Variants in ORAI2 observed in about 807,000 individuals in gnomAD.
ORAI2 encodes the protein ORAI calcium release-activated calcium modulator 2, also known as protein orai-2.
In ORAI2, 10 loss-of-function variants were observed where a neutral mutation model predicts 16.2. The ratio of observed to expected loss-of-function variants is 0.62; its 90% CI spans 0.38 to 1.04. The LOEUF (loss-of-function observed/expected upper bound fraction) is 1.04. ORAI2 is among the 50% of genes least tolerant of loss of function. ORAI2 has a pLI of 0.01. For missense variants in ORAI2, 238 were observed against 355.5 expected, an observed-to-expected ratio of 0.67 and a Z score of 2.66; for synonymous variants, 150 against 157.5, an observed-to-expected ratio of 0.95 and a Z score of 0.35.
chr7:102,449,693 C>T lies in ORAI2; in HGVS notation c.*2641C>T, dbSNP rs1013478554. 1.3e-5 allele frequency: 2 copies of T among 150,360 alleles called. No individual in the cohort carries two copies. The highest frequency in any genetic ancestry group is 4.9e-5 in the African/African-American group (2 of 40,838). The allele number at this position is 150,360 out of a possible 1,614,324, so 9.3% of individuals were successfully genotyped here. A position where few individuals can be genotyped will look rare whatever the true frequency, so the allele number is the denominator to read the frequency against. ...CTGCACTCCAGCCTGGACAACAGAG[C>T]AAAACTCTGTCTCAAAAAATAATAA... is the stretch of plus-strand genomic sequence containing the variant. On this transcript the variant is annotated 3_prime_UTR_variant, in exon 4 of 4. Coordinates refer to ENST00000495936, the MANE Select transcript of ORAI2 (RefSeq NM_001126340.3).
chr7:102,439,602 A>G (rs756631066), intron 3 of ORAI2, among the ~76,000 whole-genome samples: 3 of 150,554 alleles, frequency 2.0e-5, no homozygotes, highest in Non-Finnish European at 4.4e-5. Flanking sequence ...CTTTACAAAA[A>G]TAAAATAAAT....
intron 3 of ORAI2, among the ~76,000 whole-genome samples, chr7:102,441,984 GT>G (rs1442608381): frequency 1.6e-4 from 25 of 152,244 alleles, no homozygotes; most frequent in Non-Finnish European, 2.9e-4. Flanking sequence ...GCCCTTTATA[GT>G]GTGTCTTCCC....
chr7:102,443,166 T>C (rs1797259688), intron 3 of ORAI2, among the ~76,000 whole-genome samples: 1 of 150,102 alleles, frequency 6.7e-6, no homozygotes, highest in African/African-American at 2.5e-5. Context: ...GGGTCTCGTT[T>C]TGTTGCCTGG....
At chr7:102,442,346 A>G (rs1720293509) in intron 3 of ORAI2, among the ~76,000 whole-genome samples, 1 of 152,154 alleles carries the variant, frequency 6.6e-6, no homozygotes, top group Non-Finnish European at 1.5e-5. Flanking sequence ...TGAGGTCAGG[A>G]GTTGGAGACC....
Position 102,447,055 on chromosome 7 carries a change from G to C in ORAI2, c.*3G>C. Reference sequence around the variant, plus strand: ...AGCGCAGCCTGCAGGTCTTGTGAGGGGCCGAGGGCCGGGGCTGGGAGCGGC... The same window carrying C: ...AGCGCAGCCTGCAGGTCTTGTGAGGCGCCGAGGGCCGGGGCTGGGAGCGGC... On this transcript the variant is annotated 3_prime_UTR_variant, in exon 4 of 4. Transcript: ENST00000495936. 1 of 1,526,328 alleles carries C rather than the reference G, an allele frequency of 6.6e-7. No individual in the cohort carries two copies. The highest frequency in any genetic ancestry group is 1.2e-5 in the South Asian group (1 of 82,692). The allele number at this position is 1,526,328 out of a possible 1,614,324, so 94.5% of individuals were successfully genotyped here. A position where few individuals can be genotyped will look rare whatever the true frequency, so the allele number is the denominator to read the frequency against.
intron 1 of ORAI2, among the ~76,000 whole-genome samples, chr7:102,434,141 A>AAAAAC: frequency 6.6e-6 from 1 of 150,646 alleles, no homozygotes; most frequent in Non-Finnish European, 1.5e-5. Flanking sequence ...AAAAAAAAAA[A>AAAAAC]AAAAGCAACC....
intron 3 of ORAI2, among the ~76,000 whole-genome samples, chr7:102,442,548 G>A (rs1031483959): frequency 1.3e-5 from 2 of 152,122 alleles, no homozygotes; most frequent in African/African-American, 2.4e-5. Flanking sequence ...TCAGCCATGC[G>A]TGGTGGCACA....
chr7:102,439,579 G>A (rs1034675121), intron 3 of ORAI2, among the ~76,000 whole-genome samples: 1 of 152,008 alleles, frequency 6.6e-6, no homozygotes, highest in Non-Finnish European at 1.5e-5. Context: ...GGGCAACACA[G>A]GGAGACCCCT....
intron 3 of ORAI2, among the ~76,000 whole-genome samples, chr7:102,442,639 A>G (rs1185066871): frequency 6.6e-6 from 1 of 151,902 alleles, no homozygotes; most frequent in Admixed American, 6.6e-5. Context: ...GTGAGCCAAG[A>G]TCGCTCTACT....
At chr7:102,445,473 G>A (rs138140949) in intron 3 of ORAI2, among the ~76,000 whole-genome samples, 5 of 151,568 alleles carry the variant, frequency 3.3e-5, no homozygotes, top group East Asian at 1.9e-4. Flanking sequence ...TTGTAGAGAC[G>A]AGGTCTCACT....
At chr7:102,442,605 T>C (rs1797235599) in intron 3 of ORAI2, among the ~76,000 whole-genome samples, 1 of 151,982 alleles carries the variant, frequency 6.6e-6, no homozygotes, top group Non-Finnish European at 1.5e-5. Flanking sequence ...GAGAATCACT[T>C]GAACCCGGGA....
chr7:102,443,956 C>T (rs1797279688), intron 3 of ORAI2, among the ~76,000 whole-genome samples: 2 of 152,122 alleles, frequency 1.3e-5, no homozygotes, highest in Admixed American at 1.3e-4. Context: ...ATCCGCCCAC[C>T]TCGGCCTCCC....
intron 3 of ORAI2, among the ~76,000 whole-genome samples, chr7:102,442,881 G>A (rs1165981678): frequency 2.7e-5 from 4 of 149,192 alleles, no homozygotes; most frequent in Non-Finnish European, 4.4e-5. Flanking sequence ...AACATTAGCC[G>A]TGGTGGCGCA....
rs951275579 is a variant in ORAI2 at position 102,451,251 on chromosome 7, C to T, written c.*4199C>T. The T allele has an allele frequency of 2.0e-5, 3 of 151,866 alleles. No individual in the cohort carries two copies. Among genetic ancestry groups the T allele is most frequent in the African/African-American group, 7.3e-5 (3 of 41,326 alleles). 9.4% of individuals were successfully genotyped at this position (151,866 alleles called of 1,614,324 possible). A position where few individuals can be genotyped will look rare whatever the true frequency, so the allele number is the denominator to read the frequency against. ...CCTCTGCCTCAGTTTGCCCGGGAGC[C>T]AGCCAGGGCCCATCCTAATTTGGAG... is the stretch of plus-strand genomic sequence containing the variant. On this transcript the variant is annotated 3_prime_UTR_variant, in exon 4 of 4. Transcript: ENST00000495936.
At chr7:102,442,321 G>A (rs1321683925) in intron 3 of ORAI2, among the ~76,000 whole-genome samples, 2 of 152,168 alleles carry the variant, frequency 1.3e-5, no homozygotes, top group Non-Finnish European at 1.5e-5. Context: ...GGGAGGCCAC[G>A]GTGAGCAGAT....
At chr7:102,440,917 GAGTCTTGCT>G in intron 3 of ORAI2, among the ~76,000 whole-genome samples, 1 of 151,652 alleles carries the variant, frequency 6.6e-6, no homozygotes, top group Non-Finnish European at 1.5e-5. Context: ...TTTTGAGATG[GAGTCTTGCT>G]CTGTCACCCA....
intron 3 of ORAI2, among the ~76,000 whole-genome samples, chr7:102,445,873 T>TTCTTTCTCTCTCTC (rs1797342317): frequency 6.6e-6 from 1 of 150,658 alleles, no homozygotes; most frequent in Admixed American, 6.7e-5. Flanking sequence ...TCTTTTTCTT[T>TTCTTTCTCTCTCTC]TCTTTCTCTC....
At chr7:102,434,272 C>T (rs867177684) in intron 1 of ORAI2, among the ~76,000 whole-genome samples, 1 of 152,042 alleles carries the variant, frequency 6.6e-6, no homozygotes, top group South Asian at 2.1e-4. Flanking sequence ...GACTCTGTCC[C>T]TCCCCCTGGG....
intron 3 of ORAI2, among the ~76,000 whole-genome samples, chr7:102,439,462 C>T (rs533535357): frequency 2.0e-5 from 3 of 152,180 alleles, no homozygotes; most frequent in Admixed American, 6.5e-5. Flanking sequence ...GAGGTTGGTG[C>T]GGGGTAATTA....
Sources: allele counts gnomAD v4.1 joint callset (sites outside exome capture counted in the v4.1 genomes callset), GRCh38; gene constraint gnomAD v4.1.1; transcripts MANE v1.5; gene names NCBI Gene and HGNC (gene_info 2026-07-23, HGNC 2026-07-21).